CIT: variants seen among roughly 807,000 people sequenced by gnomAD.
CIT encodes citron Rho-interacting kinase.
Under a neutral mutation model 272.7 loss-of-function variants are expected in CIT, and 79 were observed. The observed-to-expected ratio is 0.29, with a 90% CI of 0.24 to 0.35. CIT has a LOEUF of 0.35. Ranked by LOEUF, CIT falls within the 10% of genes least tolerant of loss-of-function variation. The probability of loss-of-function intolerance (pLI) is 1.00; values close to 1 mark genes in which losing one functional copy is unlikely to be tolerated. For missense variants in CIT, 1,909 were observed against 2,618.3 expected, an observed-to-expected ratio of 0.73 and a Z score of 5.91; for synonymous variants, 948 against 995.6, an observed-to-expected ratio of 0.95 and a Z score of 0.90.
rs747162259 is a variant in CIT at position 119,686,243 on chromosome 12, G to A, written c.*1989C>T. Reference sequence around the variant, plus strand: ...ATGAGACACACAATATACATTTTCAGGGCTCAAGAAGCCCATTTCTCATGG... The same window carrying A: ...ATGAGACACACAATATACATTTTCAAGGCTCAAGAAGCCCATTTCTCATGG... On this transcript the variant is annotated 3_prime_UTR_variant, in exon 48 of 48. Transcript: ENST00000392521. 6.6e-6 allele frequency: 1 copy of A among 152,094 alleles called. No individual in the cohort carries two copies. Among genetic ancestry groups the A allele is most frequent in the Non-Finnish European group, 1.5e-5 (1 of 68,000 alleles). The allele number at this position is 152,094 out of a possible 1,614,324, so 9.4% of individuals were successfully genotyped here. A position where few individuals can be genotyped will look rare whatever the true frequency, so the allele number is the denominator to read the frequency against.
chr12:119,833,970 ACTGGATGGGGCGTTAT>A, intron 6 of CIT, 100 bp downstream of exon 6: 2 of 1,110,966 alleles, frequency 1.8e-6, no homozygotes, highest in Non-Finnish European at 2.5e-6. Flanking sequence ...CTGGCTAAAA[ACTGGATGGGGCGTTAT>A]CTTGATCTTG....
intron 5 of CIT, among the ~76,000 whole-genome samples, chr12:119,849,009 C>CA (rs545310106): frequency 6.6e-6 from 1 of 151,248 alleles, no homozygotes; most frequent in South Asian, 2.1e-4. Flanking sequence ...GACCTGGTCT[C>CA]AAAAAAAGAA....
intron 7 of CIT, 28 bp from the exon 8 acceptor site, chr12:119,825,396 A>G: frequency 6.2e-7 from 1 of 1,602,244 alleles, no homozygotes; most frequent in Non-Finnish European, 8.5e-7. Context: ...AAACGAATAC[A>G]GCAAACTTTC....
In CIT at chr12:119,706,145, G is replaced by A. The variant is rs189024125; in HGVS notation, c.5212-1690C>T. ...GGCTGAATGAACAAATGTGCAGTGT[G>A]CTCTCTTCTGAGGGTCAAAATGCGA... is the stretch of plus-strand genomic sequence containing the variant. On this transcript the variant is annotated intron_variant, in intron 40 of 47. Transcript: ENST00000392521. Among the ~76,000 whole-genome samples, 1,280 of 151,978 alleles carry A rather than the reference G, an allele frequency of 8.4e-3. 12 individuals carry two copies. The highest frequency in any genetic ancestry group is 0.011 in the Non-Finnish European group (739 of 67,992).
rs756298431 is a variant in CIT, at chr12:119,701,834, T to C, written c.5413+16A>G. On this transcript the variant is annotated intron_variant, in intron 42 of 47. Coordinates refer to ENST00000392521, the MANE Select transcript of CIT (RefSeq NM_001206999.2). ...CCTGAGCCATGGGTGGGTGCGAAAG[T>C]GGAGGTGGGTCCTACCCTCGAGCGT... 16 of 1,613,876 alleles carry C rather than the reference T, an allele frequency of 9.9e-6. No individual in the cohort carries two copies. The African/African-American group carries it at 1.7e-4, about 18-fold the overall frequency.
Position 119,688,118 on chromosome 12 carries a change from G to T in CIT, c.*114C>A. ...TGCCGAGGTGGGTCTGGGCCCCGCT[G>T]AGCCAGAGGGTGGCTGAGCACGTGG... is the stretch of plus-strand genomic sequence containing the variant. On this transcript the variant is annotated 3_prime_UTR_variant, in exon 48 of 48. Coordinates refer to ENST00000392521, the MANE Select transcript of CIT (RefSeq NM_001206999.2). 8.4e-7 allele frequency: 1 copy of T among 1,192,560 alleles called. No individual in the cohort carries two copies. Among genetic ancestry groups the T allele is most frequent in the Non-Finnish European group, 1.3e-6 (1 of 799,640 alleles). The allele number at this position is 1,192,560 out of a possible 1,614,324, so 73.9% of individuals were successfully genotyped here.
chr12:119,745,219 AAAAC>A (rs949172758), intron 23 of CIT, among the ~76,000 whole-genome samples: 1 of 150,674 alleles, frequency 6.6e-6, no homozygotes, highest in African/African-American at 2.4e-5. Flanking sequence ...AAAAAAAAAA[AAAAC>A]AGCCAGAGAA....
At chr12:119,714,856 T>C (rs763302021) in intron 32 of CIT, among the ~76,000 whole-genome samples, 4 of 152,196 alleles carry the variant, frequency 2.6e-5, no homozygotes, top group East Asian at 1.9e-4. Flanking sequence ...TGAAAACATA[T>C]GTACCCACAA....
intron 10 of CIT, among the ~76,000 whole-genome samples, chr12:119,798,982 C>CA (rs1965969441): frequency 1.3e-5 from 2 of 152,208 alleles, no homozygotes; most frequent in Admixed American, 6.5e-5. Context: ...GGAAGGTACC[C>CA]ATTCTGGGAC....
Position 119,712,337 on chromosome 12 carries a change from G to A in CIT, c.4695C>T (p.Tyr1565=), listed in dbSNP as rs541568132. 6.2e-7 allele frequency: 1 copy of A among 1,611,076 alleles called. No homozygotes were observed. Among genetic ancestry groups the A allele is most frequent in the Non-Finnish European group, 8.5e-7 (1 of 1,178,534 alleles). ...LANTAKADVP[Y]ILKMESHPHT... ...GCGGGTGAGATTCCATCTTCAGTAT[G>A]TATGGGACATCTAGGAGATTTCAGA... Residue 1565 remains tyrosine (Y), a synonymous_variant, in exon 37 of 48, where the codon TAC becomes TAT. Coordinates refer to ENST00000392521, the MANE Select transcript of CIT (RefSeq NM_001206999.2). This position sits in a 1 kb window ranked among gnomAD's most constrained non-coding sequence, Gnocchi z 5.2.
chr12:119,695,674 T>C (rs995993000), intron 46 of CIT, among the ~76,000 whole-genome samples: 2 of 152,116 alleles, frequency 1.3e-5, no homozygotes, highest in Non-Finnish European at 2.9e-5. Flanking sequence ...CACACACCTG[T>C]AATCCCAGCT....
At chr12:119,783,636 G>A in intron 12 of CIT, 1 of 284,468 alleles carries the variant, frequency 3.5e-6, no homozygotes, top group Non-Finnish European at 6.5e-6. Flanking sequence ...TTTGCAACTT[G>A]CGGCAAAGAT....
At chr12:119,835,139 AC>A (rs1265351982) in intron 5 of CIT, among the ~76,000 whole-genome samples, 3 of 152,262 alleles carry the variant, frequency 2.0e-5, no homozygotes, top group Non-Finnish European at 4.4e-5. Flanking sequence ...ACCCCAAGGA[AC>A]TGAAATCCTT....
intron 5 of CIT, among the ~76,000 whole-genome samples, chr12:119,846,576 G>C (rs1969818445): frequency 2.0e-5 from 3 of 152,132 alleles, no homozygotes; most frequent in African/African-American, 7.2e-5. Flanking sequence ...TCACAAGCTA[G>C]TGTTCTAAAC....
Position 119,775,777 on chromosome 12 carries a change from TG to T in CIT, c.1941+8del. ...GGGGTAAGTTCCTGAAAAATCACCT[TG>T]GGCTTACCTTCTCCAGTTTCTCTTG... On this transcript the variant is annotated splice_region_variant and intron_variant, in intron 16 of 47. Transcript: ENST00000392521. The T allele has an allele frequency of 6.2e-7, 1 of 1,612,160 alleles. No individual in the cohort carries two copies. Among genetic ancestry groups the T allele is most frequent in the Non-Finnish European group, 8.5e-7 (1 of 1,178,256 alleles).
chr12:119,708,459 A>C, intron 39 of CIT, 141 bp from the exon 40 acceptor site: 3 of 767,768 alleles, frequency 3.9e-6, no homozygotes, highest in Non-Finnish European at 5.5e-6. Context: ...CCATATAAAC[A>C]CATTTTAGGT....
At chr12:119,695,905 T>C (rs1021386819) in intron 46 of CIT, among the ~76,000 whole-genome samples, 14 of 152,376 alleles carry the variant, frequency 9.2e-5, no homozygotes, top group African/African-American at 3.1e-4. Flanking sequence ...TAAATAGCTG[T>C]TATACTATAT....
intron 19 of CIT, among the ~76,000 whole-genome samples, chr12:119,765,210 T>G (rs1233182844): frequency 6.6e-6 from 1 of 151,614 alleles, no homozygotes; most frequent in Non-Finnish European, 1.5e-5. Context: ...ATGAATCTAC[T>G]CAAAAGCCCG....
intron 3 of CIT, among the ~76,000 whole-genome samples, chr12:119,858,053 T>G (rs1320897258): frequency 6.6e-6 from 1 of 152,232 alleles, no homozygotes; most frequent in Admixed American, 6.5e-5. Flanking sequence ...TAGACTGGTT[T>G]ACAGTGTGAC....
Sources: allele counts gnomAD v4.1 joint callset (sites outside exome capture counted in the v4.1 genomes callset), GRCh38; gene constraint gnomAD v4.1.1; non-coding constraint Gnocchi (gnomAD v3.1); transcripts MANE v1.5; gene names NCBI Gene and HGNC (gene_info 2026-07-23, HGNC 2026-07-21).